The following FMN2 variants were observed in gnomAD, a reference collection of about 807,000 sequenced individuals.
The protein encoded by FMN2 is formin 2, also known as formin-2.
FMN2 carries 51 observed loss-of-function variants against 142.3 expected under a neutral mutation model. The ratio of observed to expected loss-of-function variants is 0.36; its 90% CI spans 0.29 to 0.45. The LOEUF is 0.45. Among genes scored for constraint, FMN2 ranks in the 20% least tolerant of loss-of-function variants. FMN2 has a pLI of 1.00. For missense variants in FMN2, 1,936 were observed against 2,122.8 expected (o/e 0.91, Z 1.73); for synonymous variants, 882 against 869.8 (o/e 1.01, Z -0.25).
At chr1:240,455,986 A>T (rs1572334485) in intron 16 of FMN2, among the ~76,000 whole-genome samples, 1 of 151,436 alleles carries the variant, frequency 6.6e-6, no homozygotes, top group Non-Finnish European at 1.5e-5. Context: ...AATAATAATA[A>T]TAATAATAAT....
In FMN2 at chr1:240,092,980, C is replaced by A; in HGVS notation, c.871C>A (p.Gln291Lys). 3 of 1,407,238 alleles carry A rather than the reference C, an allele frequency of 2.1e-6. No homozygotes were observed. The highest frequency in any genetic ancestry group is 2.8e-6 in the Non-Finnish European group (3 of 1,089,688). The allele number at this position is 1,407,238 out of a possible 1,614,324, so 87.2% of individuals were successfully genotyped here. ...ESLAAEPREP[Q>K]QPPSPGGLPV... Reference sequence around the variant, plus strand: ...CCTGGCCGCCGAGCCCCGGGAGCCCCAGCAACCGCCGTCCCCCGGCGGCCT... The same window carrying A: ...CCTGGCCGCCGAGCCCCGGGAGCCCAAGCAACCGCCGTCCCCCGGCGGCCT... Residue 291 changes from glutamine (Q) to lysine (K), a missense_variant, in exon 1 of 18, where the codon CAG (glutamine) becomes AAG (lysine). Around this residue, in one of 8 missense-constraint regions of FMN2, gnomAD observed 751 missense variants for 791.8 expected, o/e 0.95. Transcript: ENST00000319653.
chr1:240,414,983 A>G (rs1393997298), intron 15 of FMN2, among the ~76,000 whole-genome samples: 1 of 152,242 alleles, frequency 6.6e-6, no homozygotes, highest in Non-Finnish European at 1.5e-5. Flanking sequence ...GTCTGACATT[A>G]GAAATGCCAT....
intron 6 of FMN2, chr1:240,245,546 A>G (rs1187363535): frequency 2.1e-6 from 1 of 471,484 alleles, no homozygotes; most frequent in African/African-American, 2.0e-5. Context: ...TGTGAAATAG[A>G]GCTCATTAGG....
At chr1:240,098,252 T>A (rs779080268) in intron 1 of FMN2, among the ~76,000 whole-genome samples, 4 of 151,788 alleles carry the variant, frequency 2.6e-5, no homozygotes, top group Non-Finnish European at 5.9e-5. Context: ...TAGGCGCCCA[T>A]GACCACACCC....
chr1:240,170,915 C>T (rs1664676571), intron 2 of FMN2: 1 of 795,162 alleles, frequency 1.3e-6, no homozygotes, highest in South Asian at 1.3e-5. Context: ...TTTAGTCAAC[C>T]CATCCAGGAA....
chr1:240,424,694 G>A (rs1245146643), intron 15 of FMN2, among the ~76,000 whole-genome samples: 2 of 152,100 alleles, frequency 1.3e-5, no homozygotes, highest in Non-Finnish European at 2.9e-5. Context: ...TGTCTGATTG[G>A]GTAGGAAGTA....
intron 15 of FMN2, among the ~76,000 whole-genome samples, chr1:240,413,383 G>A (rs901738578): frequency 2.0e-5 from 3 of 151,962 alleles, no homozygotes; most frequent in African/African-American, 7.3e-5. Context: ...TCATAGGAGT[G>A]ACATGAGAAC....
chr1:240,208,767 G>T lies in FMN2; in HGVS notation c.3920+35G>T, dbSNP rs1385790448. 5 of 1,568,404 alleles carry T rather than the reference G, an allele frequency of 3.2e-6. No homozygotes were observed. The South Asian group carries it at 3.5e-5, about 11-fold the overall frequency. ...AAGTGAGCTCGTCTTTGCACAGTGT[G>T]TGTCAGTATTAGGGAAGTGTTTACC... On this transcript the variant is annotated intron_variant, in intron 5 of 17. Coordinates refer to ENST00000319653, the MANE Select transcript of FMN2 (RefSeq NM_020066.5).
At chr1:240,199,480 T>C (rs1666049359) in intron 4 of FMN2, among the ~76,000 whole-genome samples, 1 of 152,220 alleles carries the variant, frequency 6.6e-6, no homozygotes, top group African/African-American at 2.4e-5. Flanking sequence ...GTTACAGTAA[T>C]GTTTTCTTTT....
chr1:240,345,935 A>C (rs1305037307), intron 13 of FMN2, among the ~76,000 whole-genome samples: 3 of 152,200 alleles, frequency 2.0e-5, no homozygotes, highest in Non-Finnish European at 2.9e-5. Flanking sequence ...TTTTCAACAA[A>C]ATAATAGCTG....
chr1:240,350,050 G>C (rs547353366), intron 13 of FMN2, among the ~76,000 whole-genome samples: 1 of 152,180 alleles, frequency 6.6e-6, no homozygotes, highest in South Asian at 2.1e-4. Flanking sequence ...CTACAGTTAA[G>C]AGAAGAATGG....
At chr1:240,388,884 G>T (rs910290343) in intron 14 of FMN2, among the ~76,000 whole-genome samples, 4 of 151,102 alleles carry the variant, frequency 2.6e-5, no homozygotes, top group South Asian at 4.2e-4. Flanking sequence ...AAAAGGGGGG[G>T]GGTCAAGCAT....
At chr1:240,227,581 T>G (rs989023257) in intron 6 of FMN2, among the ~76,000 whole-genome samples, 1 of 152,212 alleles carries the variant, frequency 6.6e-6, no homozygotes, top group Admixed American at 6.5e-5. Flanking sequence ...GACAATATAG[T>G]ACTGGCATAC....
chr1:240,156,358 A>G (rs561542150), intron 2 of FMN2, among the ~76,000 whole-genome samples: 1 of 152,354 alleles, frequency 6.6e-6, no homozygotes, highest in African/African-American at 2.4e-5. Context: ...ACTCCAAACC[A>G]TTCACTACTT....
At chr1:240,431,146 C>T (rs891114050) in intron 15 of FMN2, among the ~76,000 whole-genome samples, 6 of 151,718 alleles carry the variant, frequency 4.0e-5, no homozygotes, top group African/African-American at 1.5e-4. Flanking sequence ...AGTTTTCACA[C>T]TTTTATTTGA....
At chr1:240,324,277 G>A (rs1461115277) in intron 8 of FMN2, among the ~76,000 whole-genome samples, 1 of 152,182 alleles carries the variant, frequency 6.6e-6, no homozygotes, top group Non-Finnish European at 1.5e-5. Context: ...CTTTTCCAGA[G>A]CACTGTCGGA....
chr1:240,441,727 ATATCTGG>A, intron 16 of FMN2, among the ~76,000 whole-genome samples: 1 of 150,070 alleles, frequency 6.7e-6, no homozygotes, highest in South Asian at 2.1e-4. Flanking sequence ...TAGTGTCCTC[ATATCTGG>A]TATAGCTCTC....
chr1:240,408,660 GAAATT>G (rs1247354995), intron 15 of FMN2, among the ~76,000 whole-genome samples: 18 of 151,948 alleles, frequency 1.2e-4, no homozygotes, highest in South Asian at 4.2e-4. Context: ...TTTATTTAGA[GAAATT>G]AAAGTATGGA....
chr1:240,131,718 A>G (rs926915160), intron 2 of FMN2, among the ~76,000 whole-genome samples: 1 of 152,136 alleles, frequency 6.6e-6, no homozygotes, highest in Non-Finnish European at 1.5e-5. Context: ...CAAAAAGAAA[A>G]AAAAAAAGTC....
Sources: allele counts gnomAD v4.1 joint callset (sites outside exome capture counted in the v4.1 genomes callset), GRCh38; gene constraint gnomAD v4.1.1; regional missense constraint gnomAD v4.1.1; transcripts MANE v1.5; gene names NCBI Gene and HGNC (gene_info 2026-07-23, HGNC 2026-07-21).